ROBO1: variants seen among roughly 807,000 people sequenced by gnomAD.
The protein encoded by ROBO1 is roundabout homolog 1.
In ROBO1, 149 loss-of-function variants were observed where a neutral mutation model predicts 195.9. That is an observed-to-expected ratio of 0.76 (90% confidence interval 0.67 to 0.87). ROBO1 has a LOEUF of 0.87. Among genes scored for constraint, ROBO1 ranks in the 40% least tolerant of loss-of-function variants. ROBO1 has a pLI of 0.00. For missense variants in ROBO1, 1,933 were observed against 2,068.3 expected, an observed-to-expected ratio of 0.93 and a Z score of 1.27; for synonymous variants, 816 against 733.2, an observed-to-expected ratio of 1.11 and a Z score of -1.82.
intron 2 of ROBO1, among the ~76,000 whole-genome samples, chr3:79,174,130 T>A (rs892398182): frequency 3.3e-5 from 5 of 151,990 alleles, no homozygotes; most frequent in Admixed American, 2.0e-4. Context: ...CCTGCTCAGG[T>A]CCCCTTCCAC....
intron 8 of ROBO1, among the ~76,000 whole-genome samples, chr3:78,695,794 TC>T (rs1359757937): frequency 1.3e-5 from 2 of 152,052 alleles, no homozygotes; most frequent in African/African-American, 4.8e-5. Flanking sequence ...ACTCTGATTA[TC>T]AAGAAACCAA....
chr3:78,721,141 A>G (rs146232448), intron 5 of ROBO1, among the ~76,000 whole-genome samples: 2,266 of 152,294 alleles, frequency 0.015, 18 homozygotes, highest in Middle Eastern at 0.034. Context: ...AGTTGTACAA[A>G]TGAAAATAAA....
intron 2 of ROBO1, among the ~76,000 whole-genome samples, chr3:79,150,905 C>T (rs1036823624): frequency 6.6e-6 from 1 of 151,664 alleles, no homozygotes; most frequent in East Asian, 2.0e-4. Flanking sequence ...ATTCCCTGCC[C>T]CAGCCCCTCT....
intron 20 of ROBO1, 74 bp downstream of exon 20, chr3:78,647,554 TA>T: frequency 7.1e-7 from 1 of 1,405,806 alleles, no homozygotes; most frequent in Non-Finnish European, 1.0e-6. Context: ...GAAAATGAAA[TA>T]AAAACAGAAA....
intron 1 of ROBO1, among the ~76,000 whole-genome samples, chr3:79,675,311 A>G (rs1478108850): frequency 2.0e-5 from 3 of 152,022 alleles, no homozygotes; most frequent in Non-Finnish European, 4.4e-5. Context: ...GTTAAATATT[A>G]AAGAAAGCAA....
At chr3:79,367,091 A>C (rs2036006746) in intron 2 of ROBO1, among the ~76,000 whole-genome samples, 1 of 152,244 alleles carries the variant, frequency 6.6e-6, no homozygotes, top group Non-Finnish European at 1.5e-5. Context: ...CTTGTTAAAC[A>C]TCTAAATTAT....
intron 2 of ROBO1, among the ~76,000 whole-genome samples, chr3:79,259,539 C>G (rs2082900673): frequency 6.6e-6 from 1 of 152,076 alleles, no homozygotes; most frequent in African/African-American, 2.4e-5. Flanking sequence ...ATCATTCTTT[C>G]TATTTTTTTG....
At chr3:78,973,629 A>T (rs2107932929) in intron 3 of ROBO1, among the ~76,000 whole-genome samples, 1 of 148,224 alleles carries the variant, frequency 6.7e-6, no homozygotes, top group African/African-American at 2.5e-5. Flanking sequence ...GCTTGAAGGT[A>T]AACTTTTTTG....
chr3:79,183,312 A>G (rs931795770), intron 2 of ROBO1, among the ~76,000 whole-genome samples: 4 of 152,200 alleles, frequency 2.6e-5, no homozygotes, highest in African/African-American at 9.7e-5. Flanking sequence ...TCTTTGAAAC[A>G]CCTGAAAGAG....
At chr3:78,672,410 C>G (rs772043455) in intron 10 of ROBO1, among the ~76,000 whole-genome samples, 9 of 151,756 alleles carry the variant, frequency 5.9e-5, no homozygotes, top group Non-Finnish European at 1.3e-4. Context: ...AAAACCCCAT[C>G]TCCACAAAAA....
rs150179058 is a variant in ROBO1 at position 79,765,596 on chromosome 3, G to A, written c.-51+2156C>T. On this transcript the variant is annotated intron_variant, in intron 1 of 30. Transcript: ENST00000464233. ...ATAGCTGCTAGGAGAATACAAGTTT[G>A]GGCCTGAAAACCCAGTTATGAGGCT... Among the ~76,000 whole-genome samples, 380 of 152,252 alleles carry A rather than the reference G, an allele frequency of 2.5e-3. 5 individuals carry two copies. The highest frequency in any genetic ancestry group is 4.8e-3 in the South Asian group (23 of 4,820).
chr3:79,306,801 C>A (rs1442798767), intron 2 of ROBO1, among the ~76,000 whole-genome samples: 1 of 152,080 alleles, frequency 6.6e-6, no homozygotes, highest in South Asian at 2.1e-4. Flanking sequence ...TAAAGCAGAG[C>A]CGTTCTTGTT....
intron 3 of ROBO1, among the ~76,000 whole-genome samples, chr3:79,103,558 A>G (rs1476710892): frequency 6.6e-6 from 1 of 151,794 alleles, no homozygotes. Flanking sequence ...ATGTTCTTCT[A>G]TCTTTAAAAA....
In ROBO1 at chr3:78,635,891, G is replaced by T; in HGVS notation, c.3255C>A (p.Asn1085Lys). Residue 1085 changes from asparagine to lysine, a missense_variant, in exon 23 of 31, where the codon AAC (asparagine) becomes AAA (lysine). Transcript: ENST00000464233. Reference sequence around the variant, plus strand: ...AGTCCCCGCTGCCATTGTTCATGTTGTTGCTGAGGTTTGACTGGATGAGCT... The same window carrying T: ...AGTCCCCGCTGCCATTGTTCATGTTTTTGCTGAGGTTTGACTGGATGAGCT... ...TTQLIQSNLS[N>K]NMNNGSGDSG... 6.2e-7 allele frequency: 1 copy of T among 1,613,914 alleles called. No individual in the cohort carries two copies.
chr3:79,373,064 G>A (rs145039417), intron 2 of ROBO1, among the ~76,000 whole-genome samples: 17 of 152,064 alleles, frequency 1.1e-4, no homozygotes, highest in African/African-American at 3.9e-4. Context: ...TTTTTGAAAC[G>A]ACCCAATCTG....
At chr3:79,758,185 C>A (rs1172597554) in intron 1 of ROBO1, among the ~76,000 whole-genome samples, 1 of 152,130 alleles carries the variant, frequency 6.6e-6, no homozygotes, top group African/African-American at 2.4e-5. Context: ...CTATTCTTCC[C>A]AACACTGTCC....
chr3:79,438,408 A>C (rs1243896939), intron 2 of ROBO1, among the ~76,000 whole-genome samples: 1 of 151,980 alleles, frequency 6.6e-6, no homozygotes, highest in Non-Finnish European at 1.5e-5. Flanking sequence ...CGCTTTTGTA[A>C]AGTCAAGTGT....
At chr3:79,652,658 G>A (rs1322036894) in intron 1 of ROBO1, among the ~76,000 whole-genome samples, 1 of 152,062 alleles carries the variant, frequency 6.6e-6, no homozygotes, top group Admixed American at 6.6e-5. Context: ...AAACAAGTGT[G>A]ATGGTGGCAT....
At position 78,624,528 on chromosome 3, in the gene ROBO1, T is replaced by C. The variant is rs145710391; in HGVS notation, c.3875+2793A>G. ...ATAGTTAATGTATTACCCAATTACA[T>C]ATATCTGCCTCAAGTTCTACAAGCA... On this transcript the variant is annotated intron_variant, in intron 26 of 30. Coordinates refer to ENST00000464233, the MANE Select transcript of ROBO1 (RefSeq NM_002941.4). Among the ~76,000 whole-genome samples the C allele has an allele frequency of 1.4e-3, 206 of 152,188 alleles. 4 individuals are homozygous for C. The East Asian group carries it at 0.033, about 25-fold the overall frequency.
Sources: gnomAD v4.1 joint callset for allele counts (sites outside exome capture counted in the v4.1 genomes callset) on GRCh38, gnomAD v4.1.1 for gene constraint, MANE v1.5 for transcripts, NCBI Gene and HGNC (gene_info 2026-07-23, HGNC 2026-07-21) for gene names.